TP63: variants seen among roughly 807,000 people sequenced by gnomAD.
The protein encoded by TP63 is tumor protein p63.
Under a neutral mutation model 82.8 loss-of-function variants are expected in TP63, and 17 were observed. That is an observed-to-expected ratio of 0.21 (90% confidence interval 0.14 to 0.31). The LOEUF (loss-of-function observed/expected upper bound fraction) is 0.31, where lower values mean the gene tolerates loss of function less well. Ranked by LOEUF, TP63 falls within the 10% of genes least tolerant of loss-of-function variation. The pLI, the probability that TP63 is intolerant of heterozygous loss-of-function variation, is 1.00. For synonymous variants in TP63, 330 were observed against 321.7 expected (o/e 1.03, Z -0.28); for missense variants, 648 against 895.3 (o/e 0.72, Z 3.52).
chr3:189,834,550 G>A (rs1712838880), intron 4 of TP63, among the ~76,000 whole-genome samples: 1 of 152,140 alleles, frequency 6.6e-6, no homozygotes, highest in African/African-American at 2.4e-5. Flanking sequence ...AAGAAAATAC[G>A]TTACTGTTTA....
chr3:189,610,454 A>G, the TP63 span, among the ~76,000 whole-genome samples: 7,699 of 152,264 alleles, frequency 0.051, 293 homozygotes, highest in African/African-American at 0.1. Flanking sequence ...GGCAGGGGCA[A>G]AATTCTGCCA....
rs567068673 is a variant in TP63 at position 189,760,840 on chromosome 3, T to C, written c.324+22066T>C. Among the ~76,000 whole-genome samples, 4 of 152,322 alleles carry C rather than the reference T, an allele frequency of 2.6e-5. No individual in the cohort carries two copies. In the East Asian group the frequency reaches 5.8e-4, roughly 22 times the overall value. On this transcript the variant is annotated intron_variant, in intron 3 of 13. Coordinates refer to ENST00000264731, the MANE Select transcript of TP63 (RefSeq NM_003722.5). ...CCAGGCATCCAGGCATTTCCATACATGTTCTGAAATCTAGGTGGAGGTTCT... is the reference window on the plus strand; with the variant it reads ...CCAGGCATCCAGGCATTTCCATACACGTTCTGAAATCTAGGTGGAGGTTCT...
intron 3 of TP63, among the ~76,000 whole-genome samples, chr3:189,771,459 TATATA>T (rs1723366574): frequency 7.0e-6 from 1 of 142,160 alleles, no homozygotes; most frequent in African/African-American, 2.6e-5. Context: ...TTATATTAAA[TATATA>T]ATATTTAATA....
chr3:189,671,217 G>A (rs547318333), intron 1 of TP63, among the ~76,000 whole-genome samples: 1 of 151,908 alleles, frequency 6.6e-6, no homozygotes, highest in African/African-American at 2.4e-5. Context: ...TTTTAATAAT[G>A]GGCAAGGGAT....
At chr3:189,792,966 T>C (rs1217953257) in intron 3 of TP63, among the ~76,000 whole-genome samples, 1 of 152,104 alleles carries the variant, frequency 6.6e-6, no homozygotes, top group African/African-American at 2.4e-5. Context: ...GAGTTTTCTA[T>C]TGATAGTTAA....
At chr3:189,745,596 A>T (rs944297702) in intron 3 of TP63, among the ~76,000 whole-genome samples, 1 of 150,442 alleles carries the variant, frequency 6.6e-6, no homozygotes. Flanking sequence ...AATCCCAGCT[A>T]CTCGGGAGGC....
chr3:189,771,272 C>T (rs1402815453), intron 3 of TP63, among the ~76,000 whole-genome samples: 2 of 115,790 alleles, frequency 1.7e-5, no homozygotes, highest in African/African-American at 4.0e-5. Context: ...AAAGCTAAGA[C>T]AAATATATAT....
intron 3 of TP63, among the ~76,000 whole-genome samples, chr3:189,742,960 G>C (rs533013114): frequency 2.6e-5 from 4 of 151,988 alleles, no homozygotes; most frequent in Non-Finnish European, 4.4e-5. Context: ...AAATAATCAG[G>C]TTTGGGTAAC....
chr3:189,675,386 A>G (rs1478555737), intron 1 of TP63, among the ~76,000 whole-genome samples: 2 of 152,126 alleles, frequency 1.3e-5, no homozygotes, highest in South Asian at 4.1e-4. Context: ...ATAGAAAAAA[A>G]TTACTGTCTA....
At position 189,763,037 on chromosome 3, in the gene TP63, G is replaced by A. The variant is rs184064729; in HGVS notation, c.324+24263G>A. ...CATAATCCCAGCACTTTGGGAGGCC[G>A]AGGCAGGAGGATAGCTTGAGCTTGG... On this transcript the variant is annotated intron_variant, in intron 3 of 13. Coordinates refer to ENST00000264731, the MANE Select transcript of TP63 (RefSeq NM_003722.5). Among the ~76,000 whole-genome samples, 347 of 152,226 alleles carry A rather than the reference G, an allele frequency of 2.3e-3. 2 individuals carry two copies. Among genetic ancestry groups the A allele is most frequent in the African/African-American group, 7.7e-3 (318 of 41,522 alleles).
In TP63 at chr3:189,652,282, T is replaced by A. The variant is rs1401727449; in HGVS notation, c.62+20705T>A. Among the ~76,000 whole-genome samples, 5 of 146,958 alleles carry A rather than the reference T, an allele frequency of 3.4e-5. 1 individual carries two copies. Among genetic ancestry groups the A allele is most frequent in the Non-Finnish European group, 5.9e-5 (4 of 67,258 alleles). On this transcript the variant is annotated intron_variant, in intron 1 of 13. Transcript: ENST00000264731. ...TCCAAATCCATGGGAGCCCACCTCT[T>A]GTATCAGCGTGTCCTGGATGTGAGA...
chr3:189,771,124 C>T (rs1488298169), intron 3 of TP63, among the ~76,000 whole-genome samples: 8 of 150,774 alleles, frequency 5.3e-5, no homozygotes, highest in East Asian at 1.9e-4. Context: ...TTAAAAGGTA[C>T]CCATAATATT....
At chr3:189,813,546 T>C (rs1028548187) in intron 4 of TP63, among the ~76,000 whole-genome samples, 1 of 152,010 alleles carries the variant, frequency 6.6e-6, no homozygotes, top group Non-Finnish European at 1.5e-5. Flanking sequence ...TCACCGCTCA[T>C]GACACGAGAG....
At chr3:189,711,371 C>G (rs533692653) in intron 1 of TP63, among the ~76,000 whole-genome samples, 2 of 152,222 alleles carry the variant, frequency 1.3e-5, no homozygotes, top group East Asian at 3.9e-4. Flanking sequence ...TCATCTTTAG[C>G]AAGTATATTT....
At chr3:189,780,788 A>G (rs1430502070) in intron 3 of TP63, among the ~76,000 whole-genome samples, 1 of 152,168 alleles carries the variant, frequency 6.6e-6, no homozygotes, top group African/African-American at 2.4e-5. Flanking sequence ...AAGAAACACT[A>G]TGGTTTGTCA....
At chr3:189,726,402 G>A (rs765273340) in intron 1 of TP63, among the ~76,000 whole-genome samples, 9 of 152,012 alleles carry the variant, frequency 5.9e-5, no homozygotes, top group South Asian at 2.1e-4. Flanking sequence ...TACAAAACAG[G>A]AAGTTCCTAA....
At chr3:189,879,118 A>G (rs369599155) in intron 10 of TP63, among the ~76,000 whole-genome samples, 3 of 152,186 alleles carry the variant, frequency 2.0e-5, no homozygotes, top group East Asian at 3.8e-4. Context: ...TTAGCTGTAC[A>G]TTGCTTCCCC....
At chr3:189,632,016 A>G (rs1054320733) in intron 1 of TP63, among the ~76,000 whole-genome samples, 5 of 152,038 alleles carry the variant, frequency 3.3e-5, no homozygotes, top group African/African-American at 1.2e-4. Context: ...GTGGCTTGTC[A>G]TTGCATTTTA....
chr3:189,861,873 C>A lies in TP63; in HGVS notation c.580-2359C>A, dbSNP rs182562200. 2.6e-5 allele frequency among the ~76,000 whole-genome samples: 4 copies of A among 152,288 alleles called. No homozygotes were observed. The East Asian group carries it at 7.7e-4, about 29-fold the overall frequency. ...ACCAGTTACTAAGCAGGTTCTTGGG[C>A]AAGTCCTTTCTGTACATTTATTTTC... On this transcript the variant is annotated intron_variant, in intron 4 of 13. Transcript: ENST00000264731.
Sources: allele counts gnomAD v4.1 joint callset (sites outside exome capture counted in the v4.1 genomes callset), GRCh38; gene constraint gnomAD v4.1.1; transcripts MANE v1.5; gene names NCBI Gene and HGNC (gene_info 2026-07-23, HGNC 2026-07-21).